The following KLK12 variants were observed in gnomAD, a reference collection of about 807,000 sequenced individuals.
KLK12 encodes the protein kallikrein-12.
KLK12 carries 23 observed loss-of-function variants against 20.0 expected under a neutral mutation model. The observed-to-expected ratio is 1.15, with a 90% CI of 0.83 to 1.63. The LOEUF is 1.63. KLK12 is among the 40% of genes most tolerant of loss of function. The pLI, the probability that KLK12 is intolerant of heterozygous loss-of-function variation, is 0.00. For missense variants in KLK12, 351 were observed against 338.6 expected (o/e 1.04, Z -0.29); for synonymous variants, 147 against 141.9 (o/e 1.04, Z -0.25).
chr19:51,029,469 G>A lies in KLK12; in HGVS notation c.592-12C>T, dbSNP rs760994562. 1.9e-6 allele frequency: 3 copies of A among 1,597,152 alleles called. No individual in the cohort carries two copies. The highest frequency in any genetic ancestry group is 8.6e-7 in the Non-Finnish European group (1 of 1,164,568). On this transcript the variant is annotated splice_polypyrimidine_tract_variant and intron_variant, in intron 5 of 5. Coordinates refer to ENST00000684732, the MANE Select transcript of KLK12 (RefSeq NM_001370125.1). ...CCCCCAGAATCACCCTGGAAGGGAAGAGAAGTACTGTCTGAACAAGGGAGA... is the reference window on the plus strand; with the variant it reads ...CCCCCAGAATCACCCTGGAAGGGAAAAGAAGTACTGTCTGAACAAGGGAGA...
intron 3 of KLK12, 125 bp from the exon 4 acceptor site, chr19:51,032,260 G>T (rs113032462): frequency 2.5e-5 from 27 of 1,077,960 alleles, no homozygotes; most frequent in Non-Finnish European, 3.7e-5. Flanking sequence ...CCTCTCACCC[G>T]CAACTCTCAT....
At position 51,034,622 on chromosome 19, in the gene KLK12, G is replaced by A; in HGVS notation, c.-1C>T. On this transcript the variant is annotated 5_prime_UTR_variant, in exon 2 of 6. Coordinates refer to ENST00000684732, the MANE Select transcript of KLK12 (RefSeq NM_001370125.1). ...GGAGCAAAAAGATGCTGAGCCCCAT[G>A]GTGGGTCACTTCCAAAGTCTGGGGG... is the stretch of plus-strand genomic sequence containing the variant. 2 of 1,607,496 alleles carry A rather than the reference G, an allele frequency of 1.2e-6. No homozygotes were observed. Among genetic ancestry groups the A allele is most frequent in the Non-Finnish European group, 8.5e-7 (1 of 1,178,220 alleles).
At chr19:51,032,830 G>C (rs2091573122) in intron 3 of KLK12, among the ~76,000 whole-genome samples, 1 of 152,098 alleles carries the variant, frequency 6.6e-6, no homozygotes, top group South Asian at 2.1e-4. Flanking sequence ...GATTGAACGA[G>C]TGGGTTGATG....
At chr19:51,034,251 CGAGAAAGAGA>C (rs1051013280) in intron 2 of KLK12, 112 bp from the exon 3 acceptor site, 58 of 1,310,548 alleles carry the variant, frequency 4.4e-5, no homozygotes, top group South Asian at 2.6e-4. Context: ...GAAAGAGAGA[CGAGAAAGAGA>C]GAGAAAGAGA....
Position 51,033,733 on chromosome 19 carries a change from C to T in KLK12, c.197+247G>A, listed in dbSNP as rs373606660. The T allele has an allele frequency of 2.4e-3, 1,413 of 584,420 alleles. 29 individuals are homozygous for T. In the South Asian group the frequency reaches 0.027, roughly 11 times the overall value. The allele number at this position is 584,420 out of a possible 1,614,324, so 36.2% of individuals were successfully genotyped here. A position where few individuals can be genotyped will look rare whatever the true frequency, so the allele number is the denominator to read the frequency against. On this transcript the variant is annotated intron_variant, in intron 3 of 5. Coordinates refer to ENST00000684732, the MANE Select transcript of KLK12 (RefSeq NM_001370125.1). ...GATGTCATATAGGAAAGAAAGGGTA[C>T]ATGCAGGAATGGGAGAGGCAGGAGG...
intron 3 of KLK12, among the ~76,000 whole-genome samples, chr19:51,033,130 C>T (rs1409762024): frequency 6.6e-6 from 1 of 150,564 alleles, no homozygotes; most frequent in African/African-American, 2.4e-5. Context: ...GTGTGAGGAT[C>T]ACTTGAGCCC....
At chr19:51,033,252 A>T (rs535891885) in intron 3 of KLK12, among the ~76,000 whole-genome samples, 2 of 151,962 alleles carry the variant, frequency 1.3e-5, no homozygotes, top group Non-Finnish European at 2.9e-5. Flanking sequence ...AAAAGAAAAA[A>T]ATTCCAGAAC....
rs758889112 is a variant in KLK12 at position 51,034,153 on chromosome 19, G to C, written c.38-14C>G. The stretch of plus-strand genomic sequence containing the variant: ...CCTGGCTGAGCCCTGGAGACAGACA[G>C]GGGCATGGGTCAGAGAGAGGAAGAA... On this transcript the variant is annotated splice_polypyrimidine_tract_variant and intron_variant, in intron 2 of 5. Transcript: ENST00000684732. The C allele has an allele frequency of 1.3e-6, 2 of 1,551,680 alleles. No homozygotes were observed. Among genetic ancestry groups the C allele is most frequent in the African/African-American group, 2.7e-5 (2 of 73,062 alleles).
At position 51,034,045 on chromosome 19, in the gene KLK12, G is replaced by T; in HGVS notation, c.132C>A (p.Ser44Arg). 1.3e-6 allele frequency: 2 copies of T among 1,597,680 alleles called. No individual in the cohort carries two copies. The highest frequency in any genetic ancestry group is 1.7e-6 in the Non-Finnish European group (2 of 1,172,278). ...CAATAAGGACACCCCCGCAGCGCAG[G>T]CTGGTGCCCTCAAACAGCCCCACCT... ...PWQVGLFEGT[S>R]LRCGGVLIDH... Residue 44 changes from serine (S) to arginine (R), a missense_variant, in exon 3 of 6, where the codon AGC (serine) becomes AGA (arginine). Physicochemically the swap from Ser to Arg is moderately radical, Grantham distance 110 (BLOSUM62 -1). Coordinates refer to ENST00000684732, the MANE Select transcript of KLK12 (RefSeq NM_001370125.1).
At chr19:51,031,705 C>A in intron 4 of KLK12, 171 bp downstream of exon 4, 1 of 818,988 alleles carries the variant, frequency 1.2e-6, no homozygotes, top group Non-Finnish European at 2.1e-6. Flanking sequence ...CTTTGGCTCC[C>A]AAGACCCCAA....
At position 51,029,299 on chromosome 19, in the gene KLK12, A is replaced by C. The variant is rs755917229; in HGVS notation, c.*3T>G. 3.1e-6 allele frequency: 5 copies of C among 1,614,088 alleles called. No individual in the cohort carries two copies. Among genetic ancestry groups the C allele is most frequent in the Non-Finnish European group, 4.2e-6 (5 of 1,180,012 alleles). On this transcript the variant is annotated 3_prime_UTR_variant, in exon 6 of 6. Coordinates refer to ENST00000684732, the MANE Select transcript of KLK12 (RefSeq NM_001370125.1). Reference sequence around the variant, plus strand: ...GGGTGGGGGTGGAGGTGGAGGAAACAGGTCAGTTGTTCCTCATGATCATCC... The same window carrying C: ...GGGTGGGGGTGGAGGTGGAGGAAACCGGTCAGTTGTTCCTCATGATCATCC...
chr19:51,034,360 G>A, intron 2 of KLK12: 1 of 1,290,938 alleles, frequency 7.7e-7, no homozygotes, highest in Non-Finnish European at 1.0e-6. Context: ...TGGAGAGACA[G>A]AGATTCAGAG....
At position 51,034,932 on chromosome 19, in the gene KLK12, A is replaced by C; in HGVS notation, c.-146T>G. ...GCTGGCCACTCCGCCAGCCAACTCT[A>C]CCACTCTGCACCTGGCTCCTCAGCC... On this transcript the variant is annotated 5_prime_UTR_variant, in exon 1 of 6. Transcript: ENST00000684732. The C allele has an allele frequency of 7.9e-7, 1 of 1,261,066 alleles. No homozygotes were observed. The highest frequency in any genetic ancestry group is 1.0e-6 in the Non-Finnish European group (1 of 993,830). The allele number at this position is 1,261,066 out of a possible 1,614,324, so 78.1% of individuals were successfully genotyped here.
At chr19:51,029,930 G>A in intron 5 of KLK12, 1 of 180,444 alleles carries the variant, frequency 5.5e-6, no homozygotes, top group East Asian at 1.3e-4. Flanking sequence ...CTGGGGTTCT[G>A]ACCAATGAGG....
At chr19:51,031,819 C>A (rs200482215) in intron 4 of KLK12, 57 bp downstream of exon 4, 5 of 1,586,074 alleles carry the variant, frequency 3.2e-6, no homozygotes, top group Non-Finnish European at 4.3e-6. Flanking sequence ...ACCTCTCGCC[C>A]TGCATCCCAG....
In KLK12 at chr19:51,029,094, C is replaced by G; in HGVS notation, c.*208G>C. On this transcript the variant is annotated 3_prime_UTR_variant, in exon 6 of 6. Transcript: ENST00000684732. ...AGGACTTCAAATGGACAGACATGGC[C>G]CCTCCTTCATTTATATTTATTCCAG... 3.9e-6 allele frequency: 6 copies of G among 1,541,916 alleles called. No homozygotes were observed. The highest frequency in any genetic ancestry group is 5.4e-6 in the Non-Finnish European group (6 of 1,115,572).
intron 1 of KLK12, 69 bp downstream of exon 1, chr19:51,034,737 G>T: frequency 6.5e-7 from 1 of 1,539,900 alleles, no homozygotes; most frequent in Non-Finnish European, 8.8e-7. Flanking sequence ...GGGATGACCT[G>T]CTTGTCCTCT....
rs769576112 is a variant in KLK12 at position 51,032,006 on chromosome 19, G to A, written c.327C>T (p.Leu109=). 6.2e-7 allele frequency: 1 copy of A among 1,612,710 alleles called. No homozygotes were observed. The highest frequency in any genetic ancestry group is 1.7e-5 in the Admixed American group (1 of 59,982). ...CGGGCAGGCGCAGCCGCAGCAGCCG[G>A]AGGTCGTGCTCGTGGCTCGTCGAGG... ...LGASTSHEHD[L]RLLRLRLPVR... Residue 109 remains leucine (L), a synonymous_variant, in exon 4 of 6, where the codon CTC becomes CTT. Transcript: ENST00000684732.
At position 51,034,993 on chromosome 19, in the gene KLK12, A is replaced by C; in HGVS notation, c.-207T>G. On this transcript the variant is annotated 5_prime_UTR_variant, in exon 1 of 6. An upstream start codon of the reference 5' UTR is lost. Transcript: ENST00000684732. Reference sequence around the variant, plus strand: ...TTGCTCAACCGGTCCCTTTCCTTCCATCTGTCGCTCCAGACAGACCACTGA... The same window carrying C: ...TTGCTCAACCGGTCCCTTTCCTTCCCTCTGTCGCTCCAGACAGACCACTGA... The C allele has an allele frequency of 8.7e-7, 1 of 1,144,612 alleles. No individual in the cohort carries two copies. Among genetic ancestry groups the C allele is most frequent in the Non-Finnish European group, 1.1e-6 (1 of 924,228 alleles). The allele number at this position is 1,144,612 out of a possible 1,614,324, so 70.9% of individuals were successfully genotyped here.
Sources: gnomAD v4.1 joint callset for allele counts (sites outside exome capture counted in the v4.1 genomes callset) on GRCh38, gnomAD v4.1.1 for gene constraint, MANE v1.5 for transcripts, NCBI Gene and HGNC (gene_info 2026-07-23, HGNC 2026-07-21) for gene names.